The following DPH6 variants were observed in gnomAD, a reference collection of about 807,000 sequenced individuals.
DPH6 encodes diphthine--ammonia ligase.
Under a neutral mutation model 38.2 loss-of-function variants are expected in DPH6, and 33 were observed. The ratio of observed to expected loss-of-function variants is 0.86; its 90% confidence interval spans 0.65 to 1.15. The LOEUF is 1.15. Ranked by LOEUF, DPH6 falls within the 50% of genes most tolerant of loss-of-function variation. DPH6 has a pLI of 0.00. For missense variants in DPH6, 325 were observed against 320.0 expected, an observed-to-expected ratio of 1.02 and a Z score of -0.12; for synonymous variants, 108 against 103.0, an observed-to-expected ratio of 1.05 and a Z score of -0.30.
At chr15:35,303,864 T>A (rs1333439707) in intron 3 of DPH6, among the ~76,000 whole-genome samples, 1 of 142,278 alleles carries the variant, frequency 7.0e-6, no homozygotes, top group Non-Finnish European at 1.5e-5. Flanking sequence ...AAGCTAATCA[T>A]TTTTTTTTCA....
At chr15:35,521,656 T>C in intron 3 of DPH6, 1 of 1,230,648 alleles carries the variant, frequency 8.1e-7, no homozygotes, top group Non-Finnish European at 1.0e-6. Context: ...ATGCAGGATA[T>C]TTAACTAGAT....
At chr15:35,152,341 C>A in the DPH6 span, among the ~76,000 whole-genome samples, 1 of 151,940 alleles carries the variant, frequency 6.6e-6, no homozygotes. Flanking sequence ...TTGTGTCATC[C>A]TCTTGAAGAG....
intron 6 of DPH6, among the ~76,000 whole-genome samples, chr15:35,402,588 T>C (rs1451539983): frequency 1.3e-5 from 2 of 152,056 alleles, no homozygotes; most frequent in African/African-American, 4.8e-5. Flanking sequence ...CTTTGGAAAA[T>C]GAGAAAATGG....
intron 3 of DPH6, among the ~76,000 whole-genome samples, chr15:35,464,678 T>A (rs568046479): frequency 6.6e-6 from 1 of 152,336 alleles, no homozygotes; most frequent in African/African-American, 2.4e-5. Context: ...AATCTTCTAT[T>A]AAACAACCCA....
At chr15:35,188,119 C>T in the DPH6 span, among the ~76,000 whole-genome samples, 1 of 152,192 alleles carries the variant, frequency 6.6e-6, no homozygotes, top group Non-Finnish European at 1.5e-5. Context: ...TGTTAACTGT[C>T]TCTCTAAAAT....
intron 6 of DPH6, among the ~76,000 whole-genome samples, chr15:35,394,324 A>G (rs1192289734): frequency 6.6e-6 from 1 of 152,214 alleles, no homozygotes; most frequent in African/African-American, 2.4e-5. Context: ...AAAATAAAAA[A>G]GAGCACAGGC....
chr15:35,283,047 C>CCTTCTTCTTCCTTCTTCTTCTTCCTCTT (rs2051911369), intron 3 of DPH6: 1 of 169,818 alleles, frequency 5.9e-6, no homozygotes, highest in African/African-American at 2.7e-5. Context: ...TCTTCTTCTT[C>CCTTCTTCTTCCTTCTTCTTCTTCCTCTT]CTTCTTCTTC....
In DPH6 at chr15:35,298,331, C is replaced by T. The variant is rs1227391657; in HGVS notation, n.200+75190G>A. 6 of 624,916 alleles carry T rather than the reference C, an allele frequency of 9.6e-6. No homozygotes were observed. The African/African-American group carries it at 1.1e-4, about 11-fold the overall frequency. The allele number at this position is 624,916 out of a possible 1,614,324, so 38.7% of individuals were successfully genotyped here. On this transcript the variant is annotated intron_variant and non_coding_transcript_variant, in intron 3 of 3. Coordinates refer to the DPH6 transcript ENST00000560386. ...TTGCCACCTGTCCACCAAAATACCTCCCATTCGAGTCAATAACCGCTTGAA... is the reference window on the plus strand; with the variant it reads ...TTGCCACCTGTCCACCAAAATACCTTCCATTCGAGTCAATAACCGCTTGAA...
chr15:35,437,527 C>T (rs529607338), intron 5 of DPH6, among the ~76,000 whole-genome samples: 1 of 152,184 alleles, frequency 6.6e-6, no homozygotes, highest in East Asian at 1.9e-4. Context: ...TTTGGCCTCC[C>T]TCTCCTGGTG....
At chr15:35,265,951 A>G (rs985574214) in intron 3 of DPH6, among the ~76,000 whole-genome samples, 2 of 152,152 alleles carry the variant, frequency 1.3e-5, no homozygotes, top group Non-Finnish European at 2.9e-5. Context: ...TTCTACAAAC[A>G]ATTTAGTTTA....
intron 3 of DPH6, among the ~76,000 whole-genome samples, chr15:35,296,073 G>A (rs1279815340): frequency 6.6e-6 from 1 of 151,934 alleles, no homozygotes; most frequent in Non-Finnish European, 1.5e-5. Flanking sequence ...CCAAGTAGCT[G>A]GGACTATAGG....
chr15:35,298,694 C>A (rs1002766189), intron 3 of DPH6: 2 of 1,575,982 alleles, frequency 1.3e-6, no homozygotes. Context: ...CTTCCCCAGA[C>A]CCTGGCCCTC....
the DPH6 span, among the ~76,000 whole-genome samples, chr15:35,194,369 C>CAGAGAGAGAGAGAGAGAGAGAG: frequency 1.9e-3 from 276 of 144,740 alleles, 4 homozygotes; most frequent in Middle Eastern, 7.1e-3. Context: ...TTCCTTTTTC[C>CAGAGAGAGAGAGAGAGAGAGAG]AGAGAGAGAG....
At chr15:35,397,716 C>T (rs2053155925) in intron 6 of DPH6, among the ~76,000 whole-genome samples, 1 of 152,122 alleles carries the variant, frequency 6.6e-6, no homozygotes, top group Non-Finnish European at 1.5e-5. Context: ...TTAGGTCCCT[C>T]TCTAGGCTAG....
In DPH6 at chr15:35,282,376, A is replaced by G. The variant is rs533405254; in HGVS notation, n.201-61794T>C. ...TACTTTTCTGTAGAGACAAGGTCTC[A>G]CTATGCTGCCCAGGCTGGTCTTGAA... On this transcript the variant is annotated intron_variant and non_coding_transcript_variant, in intron 3 of 3. Transcript: ENST00000560386. 7.0e-4 allele frequency among the ~76,000 whole-genome samples: 106 copies of G among 152,272 alleles called. No individual in the cohort carries two copies. In the Middle Eastern group the frequency reaches 0.014, roughly 20 times the overall value.
intron 3 of DPH6, among the ~76,000 whole-genome samples, chr15:35,251,747 A>C (rs2051675957): frequency 6.6e-6 from 1 of 152,252 alleles, no homozygotes; most frequent in Non-Finnish European, 1.5e-5. Flanking sequence ...CCTTGCGTAC[A>C]GTTTACCACA....
chr15:35,506,419 T>C (rs1034454723), intron 3 of DPH6, among the ~76,000 whole-genome samples: 1 of 152,138 alleles, frequency 6.6e-6, no homozygotes, highest in Non-Finnish European at 1.5e-5. Context: ...TTAAGTCAAC[T>C]GTAAAGATTT....
intron 3 of DPH6, among the ~76,000 whole-genome samples, chr15:35,525,564 C>A (rs142144469): frequency 7.2e-5 from 11 of 152,110 alleles, no homozygotes; most frequent in Non-Finnish European, 1.5e-4. Context: ...GGCTACAAGG[C>A]TTTCTGAAAG....
chr15:35,283,821 C>T (rs963412745), intron 3 of DPH6, among the ~76,000 whole-genome samples: 8 of 151,114 alleles, frequency 5.3e-5, no homozygotes, highest in Non-Finnish European at 7.4e-5. Flanking sequence ...TTCTGAATGC[C>T]CTGGAAAATG....
Sources: gnomAD v4.1 joint callset for allele counts (sites outside exome capture counted in the v4.1 genomes callset) on GRCh38, gnomAD v4.1.1 for gene constraint, MANE v1.5 for transcripts, NCBI Gene and HGNC (gene_info 2026-07-23, HGNC 2026-07-21) for gene names.